The following FBXO5 variants were observed in gnomAD, a reference collection of about 807,000 sequenced individuals.
The protein encoded by FBXO5 is F-box protein 5, also known as F-box only protein 5.
In FBXO5, 8 loss-of-function variants were observed where a neutral mutation model predicts 43.3. The observed-to-expected ratio is 0.18, with a 90% confidence interval of 0.11 to 0.33. FBXO5 has a LOEUF of 0.33. Among genes scored for constraint, FBXO5 ranks in the 10% least tolerant of loss-of-function variants. FBXO5 has a pLI of 1.00. For missense variants in FBXO5, 491 were observed against 535.7 expected (o/e 0.92, Z 0.82); for synonymous variants, 204 against 193.7 (o/e 1.05, Z -0.44).
At chr6:152,979,361 A>C (rs73785711) in intron 1 of FBXO5, among the ~76,000 whole-genome samples, 3,070 of 152,260 alleles carry the variant, frequency 0.02, 108 homozygotes, top group African/African-American at 0.07. Context: ...CCTGTTCCAC[A>C]ATTAGGATTT....
rs1471729245 is a variant in FBXO5, at chr6:152,970,858, G to A, written c.*305C>T. ...AAGACTGTCTAGGTAAAATTGCATGGGTTTCCTTTACCATAAAATTGAATC... is the reference window on the plus strand; with the variant it reads ...AAGACTGTCTAGGTAAAATTGCATGAGTTTCCTTTACCATAAAATTGAATC... On this transcript the variant is annotated 3_prime_UTR_variant, in exon 5 of 5. Transcript: ENST00000229758. 4 of 214,740 alleles carry A rather than the reference G, an allele frequency of 1.9e-5. No individual in the cohort carries two copies. Among genetic ancestry groups the A allele is most frequent in the African/African-American group, 4.6e-5 (2 of 43,274 alleles). 13.3% of individuals were successfully genotyped at this position (214,740 alleles called of 1,614,324 possible). A position where few individuals can be genotyped will look rare whatever the true frequency, so the allele number is the denominator to read the frequency against.
At chr6:152,978,294 C>T (rs1166445623) in intron 1 of FBXO5, among the ~76,000 whole-genome samples, 1 of 143,322 alleles carries the variant, frequency 7.0e-6, no homozygotes, top group Non-Finnish European at 1.5e-5. Flanking sequence ...CTTTGTACAT[C>T]ATGCCTTTCC....
At position 152,982,837 on chromosome 6, in the gene FBXO5, C is replaced by T; in HGVS notation, c.103+20G>A. On this transcript the variant is annotated intron_variant, in intron 1 of 4. Coordinates refer to ENST00000229758, the MANE Select transcript of FBXO5 (RefSeq NM_012177.5). The stretch of plus-strand genomic sequence containing the variant: ...CCTCCTGGCGTGCGCGCCCCCCTCG[C>T]GACCGCTCCCCTCACTCACTATCCG... 1 of 1,479,640 alleles carries T rather than the reference C, an allele frequency of 6.8e-7. No individual in the cohort carries two copies. The highest frequency in any genetic ancestry group is 1.5e-5 in the African/African-American group (1 of 68,366). The allele number at this position is 1,479,640 out of a possible 1,614,324, so 91.7% of individuals were successfully genotyped here.
At chr6:152,978,849 G>C (rs530632791) in intron 1 of FBXO5, among the ~76,000 whole-genome samples, 5 of 152,080 alleles carry the variant, frequency 3.3e-5, no homozygotes, top group Non-Finnish European at 7.4e-5. Flanking sequence ...AAACTAGCTG[G>C]GCATGGTGGC....
At chr6:152,976,208 T>G (rs1375963117) in intron 1 of FBXO5, among the ~76,000 whole-genome samples, 2 of 152,216 alleles carry the variant, frequency 1.3e-5, no homozygotes, top group Non-Finnish European at 2.9e-5. Flanking sequence ...AAAAATTTTG[T>G]GTATTATTTC....
chr6:152,975,635 A>G lies in FBXO5; in HGVS notation c.104-14T>C, dbSNP rs775119020. ...CTTCTTTACAACCTATAAAAAGAACATAACATTTACATCTTAATGGCAAAA... is the reference window on the plus strand; with the variant it reads ...CTTCTTTACAACCTATAAAAAGAACGTAACATTTACATCTTAATGGCAAAA... On this transcript the variant is annotated splice_polypyrimidine_tract_variant and intron_variant, in intron 1 of 4. Coordinates refer to ENST00000229758, the MANE Select transcript of FBXO5 (RefSeq NM_012177.5). The G allele has an allele frequency of 3.3e-6, 5 of 1,536,464 alleles. No homozygotes were observed. In the East Asian group the frequency reaches 6.7e-5, roughly 21 times the overall value.
At chr6:152,972,210 C>A (rs1778096555) in intron 4 of FBXO5, 62 bp downstream of exon 4, 2 of 1,295,378 alleles carry the variant, frequency 1.5e-6, no homozygotes, top group African/African-American at 3.0e-5. Context: ...CTTGAAAGTT[C>A]TTTTACATTT....
At chr6:152,979,087 A>G (rs971624583) in intron 1 of FBXO5, among the ~76,000 whole-genome samples, 1 of 152,350 alleles carries the variant, frequency 6.6e-6, no homozygotes, top group Non-Finnish European at 1.5e-5. Flanking sequence ...ATAGTGCAGA[A>G]TTCCTGTACA....
At chr6:152,972,487 A>C in intron 3 of FBXO5, 33 bp from the exon 4 acceptor site, 1 of 1,452,548 alleles carries the variant, frequency 6.9e-7, no homozygotes, top group Non-Finnish European at 9.4e-7. Flanking sequence ...TAGAATTTAG[A>C]AATTATTTCC....
Position 152,971,394 on chromosome 6 carries a change from C to G in FBXO5, c.1113G>C (p.Lys371Asn), listed in dbSNP as rs1301052264. Reference sequence around the variant, plus strand: ...GAATACAGGCTTTGAGGCTTTCGTTCTTTTTCAATGTCTTGGCAACCTAAA... The same window carrying G: ...GAATACAGGCTTTGAGGCTTTCGTTGTTTTTCAATGTCTTGGCAACCTAAA... ...EFSEVAKTLK[K>N]NESLKACIRC... The change falls in exon 5 of 5, where the codon AAG (lysine) becomes AAC (asparagine). Residue 371 changes from lysine to asparagine, a missense_variant. Coordinates refer to ENST00000229758, the MANE Select transcript of FBXO5 (RefSeq NM_012177.5). The G allele has an allele frequency of 1.9e-6, 3 of 1,603,144 alleles. No individual in the cohort carries two copies. Among genetic ancestry groups the G allele is most frequent in the Non-Finnish European group, 2.5e-6 (3 of 1,176,838 alleles).
chr6:152,977,165 G>A (rs916744995), intron 1 of FBXO5, among the ~76,000 whole-genome samples: 1 of 152,170 alleles, frequency 6.6e-6, no homozygotes, highest in Non-Finnish European at 1.5e-5. Flanking sequence ...CATTGTTGAA[G>A]GCAGAGAGTA....
Position 152,975,636 on chromosome 6 carries a change from T to C in FBXO5, c.104-15A>G, listed in dbSNP as rs1562291384. ...TTCTTTACAACCTATAAAAAGAACATAACATTTACATCTTAATGGCAAAAT... is the reference window on the plus strand; with the variant it reads ...TTCTTTACAACCTATAAAAAGAACACAACATTTACATCTTAATGGCAAAAT... On this transcript the variant is annotated splice_polypyrimidine_tract_variant and intron_variant, in intron 1 of 4. Transcript: ENST00000229758. The C allele has an allele frequency of 7.2e-6, 11 of 1,533,144 alleles. No homozygotes were observed. Among genetic ancestry groups the C allele is most frequent in the Non-Finnish European group, 8.8e-6 (10 of 1,142,304 alleles). The allele number at this position is 1,533,144 out of a possible 1,614,324, so 95.0% of individuals were successfully genotyped here. A position where few individuals can be genotyped will look rare whatever the true frequency, so the allele number is the denominator to read the frequency against.
Position 152,973,096 on chromosome 6 carries a change from C to T in FBXO5, c.859G>A (p.Asp287Asn). 1 of 1,613,890 alleles carries T rather than the reference C, an allele frequency of 6.2e-7. No homozygotes were observed. Residue 287 changes from aspartate to asparagine, a missense_variant, in exon 3 of 5, where the codon GAT becomes AAT. Transcript: ENST00000229758. ...TACAACTGGAATGCCCCCTTATCAT[C>T]TTCTAGGATCTTCTTCCAAGTTGTG... ...VSTTWKKILE[D>N]DKGAFQLYSK...
chr6:152,983,234 C>G (rs1229441352), upstream of FBXO5: 1 of 341,440 alleles, frequency 2.9e-6, no homozygotes. Flanking sequence ...TCCAGCTTAC[C>G]GGCTCCCCAC....
At chr6:152,978,817 T>C (rs1487739939) in intron 1 of FBXO5, among the ~76,000 whole-genome samples, 2 of 151,740 alleles carry the variant, frequency 1.3e-5, no homozygotes. Flanking sequence ...AGAGACTCCA[T>C]CTCTACAACA....
intron 1 of FBXO5, among the ~76,000 whole-genome samples, chr6:152,978,371 AT>A (rs371649388): frequency 0.042 from 496 of 11,680 alleles, 101 homozygotes; most frequent in African/African-American, 0.12. Context: ...GGAGAGCTTC[AT>A]TTTTTGGGGG....
chr6:152,981,619 T>G (rs1778259778), intron 1 of FBXO5, among the ~76,000 whole-genome samples: 1 of 151,138 alleles, frequency 6.6e-6, no homozygotes, highest in South Asian at 2.1e-4. Flanking sequence ...CATTTCTTTC[T>G]GAGGAGCAAG....
intron 1 of FBXO5, among the ~76,000 whole-genome samples, chr6:152,976,567 G>A (rs1778171951): frequency 6.6e-6 from 1 of 152,156 alleles, no homozygotes; most frequent in Admixed American, 6.5e-5. Context: ...AAAAGTAAGT[G>A]TTGGTAAATA....
rs1234180495 is a variant in FBXO5, at chr6:152,978,376, T to TGG, written c.104-2756_104-2755insCC. On this transcript the variant is annotated intron_variant, in intron 1 of 4. Coordinates refer to ENST00000229758, the MANE Select transcript of FBXO5 (RefSeq NM_012177.5). ...CATTAATCATGGAGAGCTTCATTTT[T>TGG]TGGGGGGGGGGGGGGGGCGGGGGAC... Among the ~76,000 whole-genome samples, 38 of 5,704 alleles carry TGG rather than the reference T, an allele frequency of 6.7e-3. 11 individuals carry two copies. Among genetic ancestry groups the TGG allele is most frequent in the East Asian group, 0.033 (3 of 92 alleles). 3.7% of individuals were successfully genotyped at this position (5,704 alleles called of 152,430 possible). A position where few individuals can be genotyped will look rare whatever the true frequency, so the allele number is the denominator to read the frequency against.
Sources: gnomAD v4.1 joint callset for allele counts (sites outside exome capture counted in the v4.1 genomes callset) on GRCh38, gnomAD v4.1.1 for gene constraint, MANE v1.5 for transcripts, NCBI Gene and HGNC (gene_info 2026-07-23, HGNC 2026-07-21) for gene names.